Variants in CDHR2 observed in about 807,000 individuals in gnomAD.
The protein encoded by CDHR2 is cadherin-related family member 2.
CDHR2 carries 104 observed loss-of-function variants against 138.6 expected under a neutral mutation model. The ratio of observed to expected loss-of-function variants is 0.75; its 90% CI spans 0.64 to 0.88. The LOEUF (loss-of-function observed/expected upper bound fraction) is 0.88. CDHR2 is among the 40% of genes least tolerant of loss of function. The pLI is 0.00. For missense variants in CDHR2, 1,624 were observed against 1,727.6 expected (o/e 0.94, Z 1.06); for synonymous variants, 755 against 742.8 (o/e 1.02, Z -0.27).
At position 176,592,090 on chromosome 5, in the gene CDHR2, GTGGTGATGGTGGTGGTGA is replaced by G. The variant is rs771889874; in HGVS notation, c.3734+617_3735-605del. On this transcript the variant is annotated intron_variant, in intron 30 of 31. Coordinates refer to ENST00000261944, the MANE Select transcript of CDHR2 (RefSeq NM_017675.6). Reference sequence around the variant, plus strand: ...AGTGGTGGCAGTTATCGTGGTGGTGGTGGTGATGGTGGTGGTGATGGTGATGGTAGTGATGGTGATGGT... The same window carrying G: ...AGTGGTGGCAGTTATCGTGGTGGTGGTGGTGATGGTAGTGATGGTGATGGT... Among the ~76,000 whole-genome samples the G allele has an allele frequency of 3.8e-3, 244 of 64,728 alleles. 2 individuals carry two copies. The highest frequency in any genetic ancestry group is 9.4e-3 in the Non-Finnish European group (200 of 21,306). The allele number at this position is 64,728 out of a possible 152,430, so 42.5% of individuals were successfully genotyped here.
At position 176,543,759 on chromosome 5, in the gene CDHR2, G is replaced by C. The variant is rs1312689997; in HGVS notation, c.-16+990G>C. The C allele has an allele frequency of 6.6e-6, 1 of 152,196 alleles. No homozygotes were observed. Among genetic ancestry groups the C allele is most frequent in the Non-Finnish European group, 1.5e-5 (1 of 68,044 alleles). 9.4% of individuals were successfully genotyped at this position (152,196 alleles called of 1,614,324 possible). A position where few individuals can be genotyped will look rare whatever the true frequency, so the allele number is the denominator to read the frequency against. ...TGGGGTCAGCAGATCTTGGTTCCCC[G>C]CTTTGGGCCATTCTCTGACCCTCAC... On this transcript the variant is annotated intron_variant, in intron 1 of 31. Transcript: ENST00000510636. This position sits in a 1 kb window ranked among gnomAD's most constrained non-coding sequence, Gnocchi z 4.0.
chr5:176,592,516 T>TTG (rs1758909644), intron 30 of CDHR2, among the ~76,000 whole-genome samples: 1 of 131,052 alleles, frequency 7.6e-6, no homozygotes, highest in Non-Finnish European at 1.7e-5. Flanking sequence ...ATTATGATGA[T>TTG]AGTGGTGGTG....
chr5:176,592,563 T>C (rs1217256412), intron 30 of CDHR2, among the ~76,000 whole-genome samples, 160 bp from the exon 31 acceptor site: 2 of 150,946 alleles, frequency 1.3e-5, no homozygotes, highest in East Asian at 2.0e-4. Flanking sequence ...ATGGTGCTGA[T>C]GGTAGTGATG....
chr5:176,579,074 G>T (rs950752188), intron 16 of CDHR2, among the ~76,000 whole-genome samples: 2 of 152,194 alleles, frequency 1.3e-5, no homozygotes, highest in African/African-American at 4.8e-5. Flanking sequence ...AGCAAAAAAG[G>T]AAATGAGATC....
chr5:176,590,014 C>A, intron 24 of CDHR2, 64 bp from the exon 25 acceptor site: 1 of 1,346,808 alleles, frequency 7.4e-7, no homozygotes, highest in Non-Finnish European at 1.1e-6. Context: ...ATCCCACTGG[C>A]ACAGCCCTGG....
chr5:176,572,052 T>A (rs1758247531), intron 6 of CDHR2, among the ~76,000 whole-genome samples: 1 of 151,982 alleles, frequency 6.6e-6, no homozygotes, highest in African/African-American at 2.4e-5. Flanking sequence ...ATTGCCTCCA[T>A]CCTGGGGGAA....
At chr5:176,565,843 C>T in intron 3 of CDHR2, 100 bp downstream of exon 3, 2 of 837,436 alleles carry the variant, frequency 2.4e-6, no homozygotes, top group Non-Finnish European at 3.9e-6. Context: ...AACTCCATGG[C>T]TTATTGTGGG....
chr5:176,572,414 T>TAAATAAATAAATAAATA (rs1162348776), intron 6 of CDHR2, among the ~76,000 whole-genome samples: 1 of 149,114 alleles, frequency 6.7e-6, no homozygotes, highest in African/African-American at 2.5e-5. Flanking sequence ...AATAAATAAA[T>TAAATAAATAAATAAATA]AATAAAAAAA....
At chr5:176,595,509 A>C in intron 31 of CDHR2, 23 bp from the exon 32 acceptor site, 2 of 1,558,826 alleles carry the variant, frequency 1.3e-6, no homozygotes, top group East Asian at 2.4e-5. Flanking sequence ...TGCCCTTCAC[A>C]CCTCCTCTCC....
At chr5:176,565,132 C>T (rs1426055506) in intron 1 of CDHR2, among the ~76,000 whole-genome samples, 5 of 152,180 alleles carry the variant, frequency 3.3e-5, no homozygotes, top group Admixed American at 6.5e-5. Flanking sequence ...GTTCAGACAT[C>T]GTGGTCACCC....
rs1757762440 is a variant in CDHR2, at chr5:176,553,753, T to C, written c.-16+4339T>C. 6.9e-6 allele frequency among the ~76,000 whole-genome samples: 1 copy of C among 144,544 alleles called. No individual in the cohort carries two copies. The highest frequency in any genetic ancestry group is 2.5e-5 in the African/African-American group (1 of 40,016). 94.8% of individuals were successfully genotyped at this position (144,544 alleles called of 152,430 possible). The stretch of plus-strand genomic sequence containing the variant: ...ACCACCACCATCTCCCTCCCCCAAC[T>C]GTCACCTCCACCAGCGCCACCTGCG... On this transcript the variant is annotated intron_variant, in intron 1 of 31. Transcript: ENST00000261944. The surrounding 1 kb of genome is among the most constrained non-coding windows in gnomAD (Gnocchi z 4.3).
intron 5 of CDHR2, among the ~76,000 whole-genome samples, 176 bp from the exon 6 acceptor site, chr5:176,571,037 C>CAAAAAAAAAAAAAAAA (rs535234193): frequency 1.9e-5 from 1 of 53,278 alleles, no homozygotes; most frequent in African/African-American, 6.8e-5. Flanking sequence ...CTGGTCTCTA[C>CAAAAAAAAAAAAAAAA]AAAAAAAAAA....
At position 176,590,059 on chromosome 5, in the gene CDHR2, A is replaced by T; in HGVS notation, c.3207-19A>T. The T allele has an allele frequency of 6.2e-7, 1 of 1,608,704 alleles. No homozygotes were observed. The highest frequency in any genetic ancestry group is 2.2e-5 in the East Asian group (1 of 44,860). ...CAGGCTAAGACCCCAGGCCTCTGTG[A>T]CATCTGCCTTCTTTGCAGGGCTCTT... is the stretch of plus-strand genomic sequence containing the variant. On this transcript the variant is annotated intron_variant, in intron 24 of 31. Transcript: ENST00000261944.
At chr5:176,550,666 C>T (rs528679735) in intron 1 of CDHR2, among the ~76,000 whole-genome samples, 26 of 152,328 alleles carry the variant, frequency 1.7e-4, no homozygotes, top group African/African-American at 4.3e-4. Context: ...AAGTGCATGG[C>T]GAGCTGGCCG....
At position 176,576,340 on chromosome 5, in the gene CDHR2, G is replaced by A. The variant is rs1758382097; in HGVS notation, c.1194+155G>A. Among the ~76,000 whole-genome samples, 1 of 152,126 alleles carries A rather than the reference G, an allele frequency of 6.6e-6. No homozygotes were observed. The highest frequency in any genetic ancestry group is 6.5e-5 in the Admixed American group (1 of 15,268). ...GGTGCTGGGTGCTCTCTGGAAGCCT[G>A]TGTTGGTAAGCAGTATCATCCTCTG... On this transcript the variant is annotated intron_variant, in intron 12 of 31. Transcript: ENST00000261944. This position sits in a 1 kb window ranked among gnomAD's most constrained non-coding sequence, Gnocchi z 4.5.
intron 6 of CDHR2, among the ~76,000 whole-genome samples, chr5:176,571,893 A>G (rs1001291225): frequency 6.6e-6 from 1 of 152,110 alleles, no homozygotes; most frequent in Non-Finnish European, 1.5e-5. Context: ...AGATCCAGGT[A>G]CTCAAATCAT....
At chr5:176,577,023 G>T (rs571797157) in intron 12 of CDHR2, among the ~76,000 whole-genome samples, 1 of 151,452 alleles carries the variant, frequency 6.6e-6, no homozygotes, top group African/African-American at 2.4e-5. Context: ...GTGGGGTTAG[G>T]TTGGCCAGAA....
upstream of CDHR2, among the ~76,000 whole-genome samples, chr5:176,549,117 G>A (rs1757648552): frequency 1.3e-5 from 2 of 152,140 alleles, no homozygotes; most frequent in Admixed American, 1.3e-4. Context: ...AGGTCCTCTG[G>A]GCTCAGGGTC....
chr5:176,588,727 G>GAA (rs922818126), intron 21 of CDHR2, among the ~76,000 whole-genome samples: 2 of 150,520 alleles, frequency 1.3e-5, no homozygotes, highest in Admixed American at 6.6e-5. Context: ...GTGTGTGTGA[G>GAA]AGAGAGAGAG....
Sources: gnomAD v4.1 joint callset for allele counts (sites outside exome capture counted in the v4.1 genomes callset) on GRCh38, gnomAD v4.1.1 for gene constraint, Gnocchi (gnomAD v3.1) non-coding constraint, MANE v1.5 for transcripts, NCBI Gene and HGNC (gene_info 2026-07-23, HGNC 2026-07-21) for gene names.